The following ARHGAP29 variants were observed in gnomAD, a reference collection of about 807,000 sequenced individuals.
The protein encoded by ARHGAP29 is Rho GTPase activating protein 29, also known as rho GTPase-activating protein 29.
In ARHGAP29, 43 loss-of-function variants were observed where a neutral mutation model predicts 122.6. That is an observed-to-expected ratio of 0.35 (90% CI 0.27 to 0.45). The LOEUF is 0.45. Ranked by LOEUF, ARHGAP29 falls within the 20% of genes least tolerant of loss-of-function variation. The pLI is 1.00. For synonymous variants in ARHGAP29, 506 were observed against 497.1 expected (o/e 1.02, Z -0.24); for missense variants, 1,303 against 1,477.2 (o/e 0.88, Z 1.93).
At chr1:94,287,654 T>C in the ARHGAP29 span, among the ~76,000 whole-genome samples, 2 of 151,910 alleles carry the variant, frequency 1.3e-5, no homozygotes, top group South Asian at 4.2e-4. Context: ...CCCCCCCAGC[T>C]CCCCACCCCA....
chr1:94,223,368 T>A lies in ARHGAP29; in HGVS notation c.206-2976A>T, dbSNP rs895195532. The stretch of plus-strand genomic sequence containing the variant: ...TGCCTGACTTTGAATTCTAACTTCA[T>A]GGCTGAGAAACCTTGGGTGAGTTAC... On this transcript the variant is annotated intron_variant, in intron 2 of 22. Transcript: ENST00000260526. Among the ~76,000 whole-genome samples the A allele has an allele frequency of 2.0e-5, 3 of 152,198 alleles. No individual in the cohort carries two copies. In the East Asian group the frequency reaches 5.8e-4, roughly 29 times the overall value.
the ARHGAP29 span, among the ~76,000 whole-genome samples, chr1:94,280,247 C>T: frequency 6.6e-6 from 1 of 152,010 alleles, no homozygotes; most frequent in African/African-American, 2.4e-5. Flanking sequence ...AGCCTCCAAC[C>T]TTTCCATCTT....
intron 1 of ARHGAP29, among the ~76,000 whole-genome samples, chr1:94,264,982 G>A (rs1251157440): frequency 1.3e-5 from 2 of 152,134 alleles, no homozygotes; most frequent in Non-Finnish European, 2.9e-5. Flanking sequence ...AGCATGCCCT[G>A]GCCCGTATGT....
upstream of ARHGAP29, among the ~76,000 whole-genome samples, chr1:94,275,609 G>A (rs2100740516): frequency 6.6e-6 from 1 of 152,234 alleles, no homozygotes; most frequent in African/African-American, 2.4e-5. Flanking sequence ...TTCAGGTTCA[G>A]GACAGGTGCT....
chr1:94,186,433 T>C (rs1557844754), intron 16 of ARHGAP29, 66 bp downstream of exon 16: 16 of 1,120,192 alleles, frequency 1.4e-5, no homozygotes, highest in African/African-American at 1.6e-5. Flanking sequence ...ATACTATTTA[T>C]CTAATATCAT....
intron 11 of ARHGAP29, chr1:94,202,061 ACTGTCT>A: frequency 2.0e-6 from 1 of 492,954 alleles, no homozygotes. Flanking sequence ...TAATTAGTAC[ACTGTCT>A]ATAAAATATT....
intron 1 of ARHGAP29, among the ~76,000 whole-genome samples, chr1:94,261,591 G>A (rs149399644): frequency 6.6e-6 from 1 of 152,204 alleles, no homozygotes; most frequent in African/African-American, 2.4e-5. Context: ...AAAATTACTA[G>A]CATTTCTATT....
At chr1:94,206,171 A>T (rs1483800736) in intron 5 of ARHGAP29, among the ~76,000 whole-genome samples, 1 of 152,208 alleles carries the variant, frequency 6.6e-6, no homozygotes, top group Non-Finnish European at 1.5e-5. Flanking sequence ...CCAATAAAGT[A>T]GCTAATAGCT....
chr1:94,307,124 CCTT>C, the ARHGAP29 span, among the ~76,000 whole-genome samples: 8 of 152,254 alleles, frequency 5.3e-5, no homozygotes, highest in East Asian at 1.5e-3. Context: ...TCCCCTTTCT[CCTT>C]CTGCTATGCT....
At chr1:94,302,624 C>T in the ARHGAP29 span, 1 of 430,170 alleles carries the variant, frequency 2.3e-6, no homozygotes, top group South Asian at 1.7e-5. Flanking sequence ...TGGGGCTCTC[C>T]ATTACATCAT....
chr1:94,218,633 A>T (rs529454996), intron 3 of ARHGAP29, among the ~76,000 whole-genome samples: 126 of 152,340 alleles, frequency 8.3e-4, no homozygotes, highest in African/African-American at 2.8e-3. Context: ...ACTTGTAAAC[A>T]ATCTATTTAG....
chr1:94,172,612 G>GATATATAC lies in ARHGAP29; in HGVS notation c.*1256_*1257insGTATATAT, dbSNP rs1648809822. On this transcript the variant is annotated 3_prime_UTR_variant, in exon 23 of 23. Transcript: ENST00000260526. Reference sequence around the variant, plus strand: ...GGAACATGAAATAATTTAACAAGTTGATATATATATATATATATATTATCA... The same window carrying GATATATAC: ...GGAACATGAAATAATTTAACAAGTTGATATATACATATATATATATATATATATTATCA... 1 of 145,060 alleles carries GATATATAC rather than the reference G, an allele frequency of 6.9e-6. No individual in the cohort carries two copies. Among genetic ancestry groups the GATATATAC allele is most frequent in the African/African-American group, 2.5e-5 (1 of 39,778 alleles). 9.0% of individuals were successfully genotyped at this position (145,060 alleles called of 1,614,324 possible). A position where few individuals can be genotyped will look rare whatever the true frequency, so the allele number is the denominator to read the frequency against.
At chr1:94,218,229 C>T (rs1652074859) in intron 3 of ARHGAP29, among the ~76,000 whole-genome samples, 1 of 151,916 alleles carries the variant, frequency 6.6e-6, no homozygotes, top group South Asian at 2.1e-4. Flanking sequence ...ACAAAGAAAA[C>T]ACAATATTTA....
intron 1 of ARHGAP29, among the ~76,000 whole-genome samples, chr1:94,232,637 G>A (rs947300743): frequency 1.3e-5 from 2 of 152,132 alleles, no homozygotes; most frequent in Non-Finnish European, 2.9e-5. Context: ...AGGATGAAAA[G>A]GGATCACAAA....
chr1:94,229,616 G>T, intron 2 of ARHGAP29, among the ~76,000 whole-genome samples: 1 of 151,572 alleles, frequency 6.6e-6, no homozygotes, highest in South Asian at 2.1e-4. Context: ...TAATTTCCTG[G>T]CCATAAATTG....
intron 6 of ARHGAP29, 21 bp downstream of exon 6, chr1:94,205,614 T>A: frequency 6.2e-7 from 1 of 1,605,936 alleles, no homozygotes; most frequent in Non-Finnish European, 8.5e-7. Flanking sequence ...TGTGAAAAGT[T>A]ATAAACACCT....
intron 3 of ARHGAP29, among the ~76,000 whole-genome samples, chr1:94,215,401 A>C (rs1307610616): frequency 6.6e-6 from 1 of 151,956 alleles, no homozygotes; most frequent in Non-Finnish European, 1.5e-5. Context: ...AAAATTCTGA[A>C]CAAGCTATCC....
In ARHGAP29 at chr1:94,174,213, G is replaced by C; in HGVS notation, c.3442C>G (p.Pro1148Ala). 6.2e-7 allele frequency: 1 copy of C among 1,614,168 alleles called. No homozygotes were observed. The highest frequency in any genetic ancestry group is 2.2e-5 in the East Asian group (1 of 44,884). Residue 1148 changes from proline to alanine, a missense_variant, in exon 23 of 23, where the codon CCT (proline) becomes GCT (alanine). Coordinates refer to ENST00000260526, the MANE Select transcript of ARHGAP29 (RefSeq NM_004815.4). ...ASERRSSDSY[P>A]LAPVRAPRTL... ...CTGGGTGCTCTGACAGGAGCGAGAG[G>C]GTAGGAATCTGAAGACCGTCTCTCA...
At chr1:94,232,951 G>T (rs562208702) in intron 1 of ARHGAP29, among the ~76,000 whole-genome samples, 114 of 149,934 alleles carry the variant, frequency 7.6e-4, no homozygotes, top group African/African-American at 2.6e-3. Context: ...TTTTTTGGAG[G>T]GGGGAAGGGT....
Sources: allele counts gnomAD v4.1 joint callset (sites outside exome capture counted in the v4.1 genomes callset), GRCh38; gene constraint gnomAD v4.1.1; transcripts MANE v1.5; gene names NCBI Gene and HGNC (gene_info 2026-07-23, HGNC 2026-07-21).